ARMC8: variants seen among roughly 807,000 people sequenced by gnomAD.
ARMC8 encodes armadillo repeat containing 8.
Under a neutral mutation model 99.3 loss-of-function variants are expected in ARMC8, and 20 were observed. The ratio of observed to expected loss-of-function variants is 0.20; its 90% CI spans 0.14 to 0.29. The LOEUF (loss-of-function observed/expected upper bound fraction) is 0.29, where lower values mean the gene tolerates loss of function less well. ARMC8 is among the 10% of genes least tolerant of loss of function. ARMC8 has a pLI of 1.00. For synonymous variants in ARMC8, 263 were observed against 278.3 expected, an observed-to-expected ratio of 0.95 and a Z score of 0.55; for missense variants, 569 against 809.5, an observed-to-expected ratio of 0.70 and a Z score of 3.60.
intron 1 of ARMC8, among the ~76,000 whole-genome samples, chr3:138,201,436 CT>C (rs58707271): frequency 3.1e-5 from 2 of 64,996 alleles, no homozygotes; most frequent in African/African-American, 4.4e-5. Context: ...CTTCCCCTCC[CT>C]TTTTTTTTTT....
chr3:138,295,433 T>C (rs2051391976), intron 21 of ARMC8, among the ~76,000 whole-genome samples: 1 of 152,234 alleles, frequency 6.6e-6, no homozygotes. Flanking sequence ...TCGGTCAGTT[T>C]TCTTATTTGC....
intron 1 of ARMC8, among the ~76,000 whole-genome samples, chr3:138,200,435 TA>T (rs966481106): frequency 6.6e-5 from 10 of 152,214 alleles, no homozygotes; most frequent in Non-Finnish European, 1.5e-4. Flanking sequence ...GATTGTACAT[TA>T]AAATGGTACA....
At chr3:138,259,795 T>C (rs939178189) in intron 12 of ARMC8, among the ~76,000 whole-genome samples, 1 of 152,184 alleles carries the variant, frequency 6.6e-6, no homozygotes, top group Non-Finnish European at 1.5e-5. Context: ...CTAGAAACTT[T>C]AAAAGAAAGC....
chr3:138,258,617 C>T (rs1576795633), intron 12 of ARMC8, among the ~76,000 whole-genome samples: 1 of 152,304 alleles, frequency 6.6e-6, no homozygotes. Flanking sequence ...AAAGTCTTGT[C>T]CCGATTACAG....
At chr3:138,267,426 CATT>C (rs1013136799) in intron 15 of ARMC8, among the ~76,000 whole-genome samples, 185 bp downstream of exon 15, 6 of 152,178 alleles carry the variant, frequency 3.9e-5, no homozygotes, top group African/African-American at 1.4e-4. Context: ...TATCATTTCC[CATT>C]ATTCTTGTTA....
chr3:138,228,680 G>A (rs1450626009), intron 5 of ARMC8: 1 of 510,814 alleles, frequency 2.0e-6, no homozygotes, highest in Admixed American at 2.3e-5. Context: ...GAGAGTTATT[G>A]AGAATTTCCT....
chr3:138,278,028 C>A (rs764428124), intron 18 of ARMC8, among the ~76,000 whole-genome samples: 23 of 152,210 alleles, frequency 1.5e-4, no homozygotes, highest in Admixed American at 5.2e-4. Flanking sequence ...TATATGATCC[C>A]ATCTATATGA....
chr3:138,265,094 G>A (rs910866357), intron 14 of ARMC8, among the ~76,000 whole-genome samples: 7 of 151,838 alleles, frequency 4.6e-5, no homozygotes, highest in East Asian at 1.9e-4. Context: ...ACAAGGTCTC[G>A]CCAAGTTGCC....
Position 138,246,095 on chromosome 3 carries a change from A to G in ARMC8, c.1134+912A>G, listed in dbSNP as rs2046867841. 3.0e-6 allele frequency: 3 copies of G among 985,272 alleles called. No homozygotes were observed. The Admixed American group carries it at 1.8e-4, about 61-fold the overall frequency. 61.0% of individuals were successfully genotyped at this position (985,272 alleles called of 1,614,324 possible). A position where few individuals can be genotyped will look rare whatever the true frequency, so the allele number is the denominator to read the frequency against. ...AAAGTATTAGAGTTTACCATGATTC[A>G]GAGAAGTTCTTCAGGCCTGTAGAAA... On this transcript the variant is annotated intron_variant, in intron 12 of 21. Transcript: ENST00000469044.
intron 12 of ARMC8, among the ~76,000 whole-genome samples, chr3:138,249,967 A>T (rs569694152): frequency 6.6e-6 from 1 of 152,190 alleles, no homozygotes; most frequent in African/African-American, 2.4e-5. Flanking sequence ...TACTTTAAAT[A>T]CTTTCTAAAT....
intron 1 of ARMC8, among the ~76,000 whole-genome samples, chr3:138,199,502 A>AT (rs1305341008): frequency 6.6e-6 from 1 of 152,114 alleles, no homozygotes; most frequent in African/African-American, 2.4e-5. Context: ...GTAGAGGCAG[A>AT]TTTTTTTCCC....
intron 17 of ARMC8, among the ~76,000 whole-genome samples, chr3:138,274,097 C>T (rs1367368344): frequency 2.6e-5 from 4 of 152,098 alleles, no homozygotes; most frequent in Non-Finnish European, 4.4e-5. Context: ...GGATTACAGG[C>T]GTGAGCGTAC....
chr3:138,242,120 A>G (rs1378712541), intron 11 of ARMC8, 137 bp downstream of exon 11: 12 of 693,116 alleles, frequency 1.7e-5, no homozygotes, highest in Non-Finnish European at 2.8e-5. Flanking sequence ...GGTAACATAG[A>G]TAATATTGCT....
At chr3:138,188,013 T>G (rs1401819764) in intron 1 of ARMC8, 1 of 246,036 alleles carries the variant, frequency 4.1e-6, no homozygotes, top group African/African-American at 2.2e-5. Flanking sequence ...CCCACTCAGC[T>G]CTCCCGGGCT....
At chr3:138,216,436 A>G (rs181141972) in intron 2 of ARMC8, among the ~76,000 whole-genome samples, 8 of 152,328 alleles carry the variant, frequency 5.3e-5, no homozygotes, top group African/African-American at 7.2e-5. Flanking sequence ...TGGCAATTCA[A>G]TAATGACAGT....
chr3:138,295,934 T>TGGGA lies in ARMC8; in HGVS notation c.*42_*43insGGGA. On this transcript the variant is annotated 3_prime_UTR_variant, in exon 22 of 22. Coordinates refer to ENST00000469044, the MANE Select transcript of ARMC8 (RefSeq NM_001363941.2). The stretch of plus-strand genomic sequence containing the variant: ...CACCTGCGAGCATCCCACCTCCTTG[T>TGGGA]TTAAGGAAGTACAGGAACCAGCCTC... 6.2e-7 allele frequency: 1 copy of TGGGA among 1,603,250 alleles called. No individual in the cohort carries two copies. The highest frequency in any genetic ancestry group is 8.5e-7 in the Non-Finnish European group (1 of 1,172,034).
intron 2 of ARMC8, among the ~76,000 whole-genome samples, chr3:138,218,230 G>T (rs960067548): frequency 6.6e-6 from 1 of 152,072 alleles, no homozygotes; most frequent in African/African-American, 2.4e-5. Context: ...GATCACAAGG[G>T]GGGGCATCAG....
chr3:138,189,665 G>A (rs1489406507), intron 1 of ARMC8, among the ~76,000 whole-genome samples: 1 of 152,186 alleles, frequency 6.6e-6, no homozygotes, highest in Non-Finnish European at 1.5e-5. Context: ...TTTCAGCAAG[G>A]AGGCATTCAA....
chr3:138,266,509 T>G (rs1489781856), intron 14 of ARMC8, among the ~76,000 whole-genome samples: 2 of 152,184 alleles, frequency 1.3e-5, no homozygotes, highest in Non-Finnish European at 2.9e-5. Flanking sequence ...TGTTTTTCAT[T>G]TCCCTGCTAC....
Sources: allele counts gnomAD v4.1 joint callset (sites outside exome capture counted in the v4.1 genomes callset), GRCh38; gene constraint gnomAD v4.1.1; transcripts MANE v1.5; gene names NCBI Gene and HGNC (gene_info 2026-07-23, HGNC 2026-07-21).